TOPBP1: variants seen among roughly 807,000 people sequenced by gnomAD.
The protein encoded by TOPBP1 is DNA topoisomerase II binding protein 1.
In TOPBP1, 28 loss-of-function variants were observed where a neutral mutation model predicts 167.7. The ratio of observed to expected loss-of-function variants is 0.17; its 90% CI spans 0.12 to 0.23. The LOEUF (loss-of-function observed/expected upper bound fraction) is 0.23. Ranked by LOEUF, TOPBP1 falls within the 10% of genes least tolerant of loss-of-function variation. TOPBP1 has a pLI of 1.00. For synonymous variants in TOPBP1, 598 were observed against 611.4 expected (o/e 0.98, Z 0.32); for missense variants, 1,554 against 1,809.6 (o/e 0.86, Z 2.56).
At chr3:133,621,064 T>C (rs1193888968) in intron 19 of TOPBP1, among the ~76,000 whole-genome samples, 5 of 152,192 alleles carry the variant, frequency 3.3e-5, no homozygotes, top group Non-Finnish European at 7.4e-5. Flanking sequence ...CAGGCTGGAC[T>C]GCAGTGGTAT....
chr3:133,645,952 G>T (rs1322555451), intron 10 of TOPBP1, among the ~76,000 whole-genome samples: 2 of 152,024 alleles, frequency 1.3e-5, no homozygotes, highest in Non-Finnish European at 2.9e-5. Flanking sequence ...TTCAAGAGCA[G>T]CCTGGCCAAC....
intron 25 of TOPBP1, among the ~76,000 whole-genome samples, chr3:133,610,636 T>TA (rs55877229): frequency 0.024 from 3,208 of 135,364 alleles, 38 homozygotes; most frequent in Non-Finnish European, 0.029. Context: ...GATTAAAATT[T>TA]AAAAAAAAAA....
rs184054312 is a variant in TOPBP1 at position 133,629,960 on chromosome 3, G to C, written c.2521-1227C>G. On this transcript the variant is annotated intron_variant, in intron 14 of 27. Coordinates refer to ENST00000260810, the MANE Select transcript of TOPBP1 (RefSeq NM_007027.4). The stretch of plus-strand genomic sequence containing the variant: ...CACCACCATGCCTGGCTAATTTTTC[G>C]TATTTTTAGTAGAGACAGGGTTTCA... 8.6e-5 allele frequency among the ~76,000 whole-genome samples: 13 copies of C among 151,564 alleles called. No individual in the cohort carries two copies. In the East Asian group the frequency reaches 2.5e-3, roughly 30 times the overall value.
In TOPBP1 at chr3:133,657,790, A is replaced by G; in HGVS notation, c.363+8T>C. 1 of 1,536,542 alleles carries G rather than the reference A, an allele frequency of 6.5e-7. No individual in the cohort carries two copies. Among genetic ancestry groups the G allele is most frequent in the Non-Finnish European group, 8.7e-7 (1 of 1,148,202 alleles). On this transcript the variant is annotated splice_region_variant and intron_variant, in intron 4 of 27. Coordinates refer to ENST00000260810, the MANE Select transcript of TOPBP1 (RefSeq NM_007027.4). ...AAATTGATCAATCATCATGAGATCA[A>G]TATCTACCCTTTTTTCTTTTTCCAG...
chr3:133,654,791 G>C (rs1936421019), intron 6 of TOPBP1, among the ~76,000 whole-genome samples: 1 of 152,106 alleles, frequency 6.6e-6, no homozygotes, highest in Non-Finnish European at 1.5e-5. Flanking sequence ...CGCAAGGTGT[G>C]TCTTCCAGTT....
In TOPBP1 at chr3:133,628,314, T is replaced by C. The variant is rs759313026; in HGVS notation, c.2804+48A>G. 12 of 1,504,740 alleles carry C rather than the reference T, an allele frequency of 8.0e-6. No individual in the cohort carries two copies. The Admixed American group carries it at 2.4e-4, about 30-fold the overall frequency. The allele number at this position is 1,504,740 out of a possible 1,614,324, so 93.2% of individuals were successfully genotyped here. A position where few individuals can be genotyped will look rare whatever the true frequency, so the allele number is the denominator to read the frequency against. ...TGCTCACAATAGCTTTAGGTTTCCTTATAAATTTCAGTCATATCACCATGA... is the reference window on the plus strand; with the variant it reads ...TGCTCACAATAGCTTTAGGTTTCCTCATAAATTTCAGTCATATCACCATGA... On this transcript the variant is annotated intron_variant, in intron 16 of 27. Transcript: ENST00000260810.
Position 133,661,101 on chromosome 3 carries a change from A to C in TOPBP1, c.27T>G (p.Phe9Leu), listed in dbSNP as rs1576320840. Residue 9 changes from phenylalanine to leucine, a missense_variant, in exon 2 of 28, where the codon TTT becomes TTG. Transcript: ENST00000260810. Reference sequence around the variant, plus strand: ...CTGAAGACTTTAAAAACTTCACAAAAAACGGTTCTTTGTCATTTCTGGACA... The same window carrying C: ...CTGAAGACTTTAAAAACTTCACAAACAACGGTTCTTTGTCATTTCTGGACA... MSRNDKEP[F>L]FVKFLKSSDN... The C allele has an allele frequency of 6.2e-7, 1 of 1,600,668 alleles. No homozygotes were observed. Among genetic ancestry groups the C allele is most frequent in the East Asian group, 2.2e-5 (1 of 44,728 alleles).
chr3:133,655,106 G>A (rs1298082212), intron 6 of TOPBP1, among the ~76,000 whole-genome samples, 184 bp downstream of exon 6: 1 of 152,184 alleles, frequency 6.6e-6, no homozygotes, highest in Non-Finnish European at 1.5e-5. Flanking sequence ...TCGGGAAGCT[G>A]AGTTGGGAGA....
chr3:133,654,332 A>T (rs1936405705), intron 6 of TOPBP1, among the ~76,000 whole-genome samples: 1 of 152,240 alleles, frequency 6.6e-6, no homozygotes, highest in African/African-American at 2.4e-5. Flanking sequence ...GAAAATATGT[A>T]TCTTTTATTA....
Position 133,617,342 on chromosome 3 carries a change from T to A in TOPBP1, c.3593-16A>T. 6.3e-7 allele frequency: 1 copy of A among 1,587,648 alleles called. No homozygotes were observed. Among genetic ancestry groups the A allele is most frequent in the South Asian group, 1.1e-5 (1 of 86,992 alleles). ...TCACAGACAGCTGAGGACAATAAAA[T>A]GCTGCAGTGTGACAGGATCCAAATA... On this transcript the variant is annotated splice_polypyrimidine_tract_variant and intron_variant, in intron 21 of 27. Coordinates refer to ENST00000260810, the MANE Select transcript of TOPBP1 (RefSeq NM_007027.4).
rs1553724227 is a variant in TOPBP1, at chr3:133,629,785, G to GTGTA, written c.2521-1053_2521-1052insTACA. Among the ~76,000 whole-genome samples the GTGTA allele has an allele frequency of 2.7e-5, 4 of 150,490 alleles. No individual in the cohort carries two copies. The East Asian group carries it at 5.8e-4, about 22-fold the overall frequency. ...AATATCTTTATATGTGTGTGTGTGTGTATATATATATATATTTTTGAGACG... is the reference window on the plus strand; with the variant it reads ...AATATCTTTATATGTGTGTGTGTGTGTGTATATATATATATATATTTTTGAGACG... On this transcript the variant is annotated intron_variant, in intron 14 of 27. Transcript: ENST00000260810.
chr3:133,612,709 T>A lies in TOPBP1; in HGVS notation c.3872-157A>T, dbSNP rs547455535. Among the ~76,000 whole-genome samples the A allele has an allele frequency of 9.2e-5, 14 of 152,250 alleles. No individual in the cohort carries two copies. The South Asian group carries it at 2.7e-3, about 29-fold the overall frequency. ...TTACTTAGAATTATTTTACTTTATA[T>A]ACATATATATATGTATTAAAATGTT... is the stretch of plus-strand genomic sequence containing the variant. On this transcript the variant is annotated intron_variant, in intron 23 of 27. Transcript: ENST00000260810.
rs1382245207 is a variant in TOPBP1, at chr3:133,652,649, AT to A, written c.923-21del. The A allele has an allele frequency of 6.4e-7, 1 of 1,571,540 alleles. No individual in the cohort carries two copies. The highest frequency in any genetic ancestry group is 1.2e-5 in the South Asian group (1 of 85,768). On this transcript the variant is annotated intron_variant, in intron 7 of 27. Transcript: ENST00000260810. ...TACGACCTACATATTTTGAAAACGT[AT>A]AAATTTATGGGAGATAAAATAATCA...
chr3:133,658,462 A>G (rs1480236200), intron 3 of TOPBP1, among the ~76,000 whole-genome samples: 4 of 143,782 alleles, frequency 2.8e-5, no homozygotes, highest in Non-Finnish European at 4.6e-5. Context: ...GTGAGACCCT[A>G]TAACAAAAGA....
intron 24 of TOPBP1, among the ~76,000 whole-genome samples, chr3:133,611,687 G>T (rs1046771767): frequency 1.3e-5 from 2 of 152,192 alleles, no homozygotes; most frequent in Non-Finnish European, 2.9e-5. Context: ...GAAAAAGCTG[G>T]TATACTCTAA....
intron 14 of TOPBP1, among the ~76,000 whole-genome samples, chr3:133,635,413 C>A (rs1408208009): frequency 6.6e-6 from 1 of 151,314 alleles, no homozygotes; most frequent in Non-Finnish European, 1.5e-5. Context: ...CCACCAAGCC[C>A]AGCTAATTAA....
At position 133,600,867 on chromosome 3, in the gene TOPBP1, TGACAA is replaced by T. The variant is rs1211512984; in HGVS notation, c.*378_*382del. On this transcript the variant is annotated 3_prime_UTR_variant, in exon 28 of 28. Transcript: ENST00000260810. ...AGGGAAAACATGAATAAATGCTGAC[TGACAA>T]ATCTTGTTGTTATGAATTTGTAAGG... 1 of 167,164 alleles carries T rather than the reference TGACAA, an allele frequency of 6.0e-6. No homozygotes were observed. Among genetic ancestry groups the T allele is most frequent in the African/African-American group, 2.4e-5 (1 of 41,542 alleles). 10.4% of individuals were successfully genotyped at this position (167,164 alleles called of 1,614,324 possible). A position where few individuals can be genotyped will look rare whatever the true frequency, so the allele number is the denominator to read the frequency against.
Position 133,624,127 on chromosome 3 carries a change from T to C in TOPBP1, c.2853A>G (p.Pro951=). Residue 951 remains proline (P), a synonymous_variant, in exon 17 of 28, where the codon CCA becomes CCG. Transcript: ENST00000260810. ...ATTTATACTCCCGATTAGTGTCATT[T>C]GGCCGCCCTTGATAGATGAAATGAG... ...TVTHFIYQGR[P]NDTNREYKSV... The C allele has an allele frequency of 6.2e-7, 1 of 1,613,914 alleles. No homozygotes were observed. Among genetic ancestry groups the C allele is most frequent in the Non-Finnish European group, 8.5e-7 (1 of 1,179,856 alleles).
intron 4 of TOPBP1, among the ~76,000 whole-genome samples, chr3:133,657,382 T>C (rs977796476): frequency 9.3e-5 from 1 of 10,770 alleles, no homozygotes; most frequent in Non-Finnish European, 1.8e-4. Flanking sequence ...CTTAGAATGC[T>C]TTTTTTTTTT....
Sources: gnomAD v4.1 joint callset for allele counts (sites outside exome capture counted in the v4.1 genomes callset) on GRCh38, gnomAD v4.1.1 for gene constraint, MANE v1.5 for transcripts, NCBI Gene and HGNC (gene_info 2026-07-23, HGNC 2026-07-21) for gene names.